Variants in TLCD4 observed in about 807,000 individuals in gnomAD.
TLCD4 encodes the protein TLC domain containing 4.
Under a neutral mutation model 24.2 loss-of-function variants are expected in TLCD4, and 7 were observed. The ratio of observed to expected loss-of-function variants is 0.29; its 90% CI spans 0.16 to 0.54. The LOEUF (loss-of-function observed/expected upper bound fraction) is 0.54. Ranked by LOEUF, TLCD4 falls within the 20% of genes least tolerant of loss-of-function variation. TLCD4 has a pLI of 0.95. For missense variants in TLCD4, 259 were observed against 313.9 expected (o/e 0.82, Z 1.32); for synonymous variants, 103 against 106.4 (o/e 0.97, Z 0.20).
At chr1:95,163,286 C>G (rs191472313) in intron 5 of TLCD4, 1 of 152,146 alleles carries the variant, frequency 6.6e-6, no homozygotes, top group African/African-American at 2.4e-5. Context: ...TCCACTTGAT[C>G]AAATCGGCTA....
At chr1:95,114,371 T>C (rs1209316773), upstream of TLCD4, among the ~76,000 whole-genome samples, 1 of 152,236 alleles carries the variant, frequency 6.6e-6, no homozygotes, top group African/African-American at 2.4e-5. Context: ...AGTTTGTATC[T>C]TCACTAACAG....
intron 1 of TLCD4, among the ~76,000 whole-genome samples, chr1:95,127,059 A>G (rs1034730277): frequency 9.9e-5 from 15 of 152,216 alleles, no homozygotes; most frequent in East Asian, 1.9e-4. Flanking sequence ...CCACATAACT[A>G]TCTTGCCATT....
chr1:95,169,925 A>G (rs560098488), intron 5 of TLCD4, among the ~76,000 whole-genome samples: 2 of 152,342 alleles, frequency 1.3e-5, no homozygotes, highest in African/African-American at 4.8e-5. Flanking sequence ...GACTTTGAGG[A>G]GTCTGCTTTA....
At chr1:95,136,823 G>A (rs1346821688) in intron 1 of TLCD4, among the ~76,000 whole-genome samples, 1 of 152,200 alleles carries the variant, frequency 6.6e-6, no homozygotes, top group African/African-American at 2.4e-5. Context: ...GGATGACTGA[G>A]CTGTTCCAGG....
intron 1 of TLCD4, among the ~76,000 whole-genome samples, chr1:95,141,022 T>C (rs1037922071): frequency 3.9e-5 from 6 of 152,140 alleles, no homozygotes; most frequent in African/African-American, 1.4e-4. Context: ...AAGCTGAGAG[T>C]AGAACAATTT....
At chr1:95,101,496 C>T in the TLCD4 span, among the ~76,000 whole-genome samples, 1 of 120,910 alleles carries the variant, frequency 8.3e-6, no homozygotes, top group Non-Finnish European at 1.9e-5. Context: ...TGGTCTCAAA[C>T]TCCTGACCTT....
intron 1 of TLCD4, among the ~76,000 whole-genome samples, chr1:95,118,801 G>A (rs1242538634): frequency 1.3e-5 from 2 of 152,112 alleles, no homozygotes; most frequent in Non-Finnish European, 2.9e-5. Context: ...CTTAAATTGG[G>A]CGAAACGAAA....
Position 95,181,884 on chromosome 1 carries a change from G to C in TLCD4, c.473+7995G>C, listed in dbSNP as rs572471282. Among the ~76,000 whole-genome samples, 7 of 152,234 alleles carry C rather than the reference G, an allele frequency of 4.6e-5. No homozygotes were observed. The East Asian group carries it at 1.4e-3, about 29-fold the overall frequency. On this transcript the variant is annotated intron_variant, in intron 6 of 6. Transcript: ENST00000370203. Reference sequence around the variant, plus strand: ...TCCACCCGCCTCGGCCTCCCCAAGTGCTGGGATTACAGGTGTGAGCCACCG... The same window carrying C: ...TCCACCCGCCTCGGCCTCCCCAAGTCCTGGGATTACAGGTGTGAGCCACCG...
At chr1:95,148,576 G>A (rs535612387) in intron 2 of TLCD4, 126 bp from the exon 3 acceptor site, 15 of 1,299,630 alleles carry the variant, frequency 1.2e-5, no homozygotes, top group African/African-American at 7.4e-5. Flanking sequence ...TATACTCTCC[G>A]TTATACTTCA....
intron 6 of TLCD4, among the ~76,000 whole-genome samples, chr1:95,185,434 TC>T (rs1460724060): frequency 1.3e-5 from 2 of 152,154 alleles, no homozygotes; most frequent in African/African-American, 2.4e-5. Flanking sequence ...TGCAGTTGAC[TC>T]CCGAACAACA....
chr1:95,195,473 G>A lies in TLCD4; in HGVS notation c.*3605G>A, dbSNP rs1375728895. The A allele has an allele frequency of 6.6e-6, 1 of 152,150 alleles. No individual in the cohort carries two copies. The highest frequency in any genetic ancestry group is 1.5e-5 in the Non-Finnish European group (1 of 68,014). The allele number at this position is 152,150 out of a possible 1,614,324, so 9.4% of individuals were successfully genotyped here. ...CATTTGAATAGCTTTAGGTGGTTTAGTCTATTAGCTGAAATGGAAAAGTTC... is the reference window on the plus strand; with the variant it reads ...CATTTGAATAGCTTTAGGTGGTTTAATCTATTAGCTGAAATGGAAAAGTTC... On this transcript the variant is annotated 3_prime_UTR_variant, in exon 7 of 7. Transcript: ENST00000370203.
At chr1:95,154,036 G>A (rs1677563608) in intron 5 of TLCD4, among the ~76,000 whole-genome samples, 1 of 152,146 alleles carries the variant, frequency 6.6e-6, no homozygotes, top group Non-Finnish European at 1.5e-5. Flanking sequence ...CCATAAGATA[G>A]CTTTAGTCAG....
intron 5 of TLCD4, among the ~76,000 whole-genome samples, chr1:95,173,067 C>A (rs967330545): frequency 6.6e-6 from 1 of 152,104 alleles, no homozygotes; most frequent in Non-Finnish European, 1.5e-5. Context: ...CTCAAAGATC[C>A]TAAATTTAGC....
chr1:95,093,995 G>A, the TLCD4 span, among the ~76,000 whole-genome samples: 3 of 152,056 alleles, frequency 2.0e-5, no homozygotes, highest in Admixed American at 6.6e-5. Context: ...CATTGTGTCC[G>A]GGTTGGCCTA....
chr1:95,130,715 A>G (rs1422213979), intron 1 of TLCD4, among the ~76,000 whole-genome samples: 1 of 152,168 alleles, frequency 6.6e-6, no homozygotes, highest in Non-Finnish European at 1.5e-5. Context: ...GAGTGTTAGG[A>G]CTACTGGTGG....
the TLCD4 span, among the ~76,000 whole-genome samples, chr1:95,098,953 C>T: frequency 0.088 from 12,864 of 145,628 alleles, 615 homozygotes; most frequent in African/African-American, 0.13. Flanking sequence ...CCCAGCTGCT[C>T]GGGAGGCTGA....
intron 6 of TLCD4, among the ~76,000 whole-genome samples, chr1:95,178,713 C>T (rs1678529863): frequency 6.6e-6 from 1 of 152,030 alleles, no homozygotes. Context: ...ATCGGATAAA[C>T]TCAAGTTGCA....
the TLCD4 span, among the ~76,000 whole-genome samples, chr1:95,111,032 C>A: frequency 6.6e-6 from 1 of 151,982 alleles, no homozygotes; most frequent in African/African-American, 2.4e-5. Flanking sequence ...TGGCTCATTC[C>A]TGTAATCCCA....
rs144560617 is a variant in TLCD4 at position 95,166,441 on chromosome 1, C to T, written c.400-7375C>T. On this transcript the variant is annotated intron_variant, in intron 5 of 6. Coordinates refer to ENST00000370203, the MANE Select transcript of TLCD4 (RefSeq NM_152487.3). The stretch of plus-strand genomic sequence containing the variant: ...CCTTAGAAGTATTAATTTTCCTTTT[C>T]ATCCTGGATGCTTTTCTGCAACAAG... Among the ~76,000 whole-genome samples the T allele has an allele frequency of 6.0e-4, 92 of 152,290 alleles. 2 individuals are homozygous for T. The East Asian group carries it at 0.016, about 27-fold the overall frequency.
Sources: gnomAD v4.1 joint callset for allele counts (sites outside exome capture counted in the v4.1 genomes callset) on GRCh38, gnomAD v4.1.1 for gene constraint, MANE v1.5 for transcripts, NCBI Gene and HGNC (gene_info 2026-07-23, HGNC 2026-07-21) for gene names.